Variants in CTNNBL1 observed in about 807,000 individuals in gnomAD.
The protein encoded by CTNNBL1 is beta-catenin-like protein 1.
A neutral mutation model predicts 72.7 loss-of-function variants in CTNNBL1; 31 were observed. That is an observed-to-expected ratio of 0.43 (90% CI 0.32 to 0.58). CTNNBL1 has a LOEUF of 0.58. Ranked by LOEUF, CTNNBL1 falls within the 20% of genes least tolerant of loss-of-function variation. The pLI is 0.08. For missense variants in CTNNBL1, 534 were observed against 725.1 expected, an observed-to-expected ratio of 0.74 and a Z score of 3.03; for synonymous variants, 240 against 267.3, an observed-to-expected ratio of 0.90 and a Z score of 1.00.
chr20:37,703,462 C>T (rs1227584551), intron 1 of CTNNBL1, among the ~76,000 whole-genome samples: 8 of 152,146 alleles, frequency 5.3e-5, no homozygotes, highest in Admixed American at 4.6e-4. Flanking sequence ...TTTCTTGGGC[C>T]TCATTATTCT....
intron 4 of CTNNBL1, among the ~76,000 whole-genome samples, chr20:37,747,130 G>A (rs1480340467): frequency 6.6e-6 from 1 of 152,144 alleles, no homozygotes; most frequent in African/African-American, 2.4e-5. Flanking sequence ...GTAATCCCAA[G>A]ACTTTGGGAG....
intron 4 of CTNNBL1, among the ~76,000 whole-genome samples, chr20:37,752,427 G>T (rs1331325081): frequency 6.6e-6 from 1 of 152,066 alleles, no homozygotes. Flanking sequence ...TTAAAGAAAA[G>T]ATATTTTTTA....
chr20:37,747,934 C>A (rs887797046), intron 4 of CTNNBL1, among the ~76,000 whole-genome samples: 1 of 152,196 alleles, frequency 6.6e-6, no homozygotes, highest in African/African-American at 2.4e-5. Flanking sequence ...TTACTTGTCA[C>A]TGAATCTGAT....
chr20:37,816,281 G>A (rs779161377), intron 11 of CTNNBL1, among the ~76,000 whole-genome samples: 4 of 152,156 alleles, frequency 2.6e-5, no homozygotes, highest in Non-Finnish European at 5.9e-5. Context: ...TCACCACTAC[G>A]GATGGGGCTG....
chr20:37,777,766 T>C, intron 9 of CTNNBL1, 54 bp downstream of exon 9: 2 of 1,554,694 alleles, frequency 1.3e-6, no homozygotes, highest in Non-Finnish European at 1.8e-6. Flanking sequence ...CTGCTTTGAA[T>C]GGGAGGTGGA....
intron 13 of CTNNBL1, among the ~76,000 whole-genome samples, chr20:37,856,781 C>T (rs1355794441): frequency 1.3e-5 from 2 of 152,114 alleles, no homozygotes; most frequent in African/African-American, 2.4e-5. Flanking sequence ...CATGTGGGCA[C>T]ACTATACTTA....
chr20:37,728,733 G>A (rs1207441654), intron 1 of CTNNBL1, among the ~76,000 whole-genome samples: 1 of 152,208 alleles, frequency 6.6e-6, no homozygotes, highest in Non-Finnish European at 1.5e-5. Context: ...CTGTTGGAGA[G>A]GGAGGTGGGA....
chr20:37,806,988 C>G (rs1389753224), intron 11 of CTNNBL1, among the ~76,000 whole-genome samples: 1 of 152,152 alleles, frequency 6.6e-6, no homozygotes, highest in Non-Finnish European at 1.5e-5. Flanking sequence ...AAAGGGGCAT[C>G]TATTTTGGTC....
intron 7 of CTNNBL1, among the ~76,000 whole-genome samples, chr20:37,768,788 C>G (rs1187778615): frequency 1.3e-5 from 2 of 150,688 alleles, no homozygotes; most frequent in Non-Finnish European, 3.0e-5. Flanking sequence ...TTTGTTTTTT[C>G]TTTTGAAACT....
At chr20:37,719,333 G>A (rs780365376) in intron 1 of CTNNBL1, among the ~76,000 whole-genome samples, 14 of 152,226 alleles carry the variant, frequency 9.2e-5, no homozygotes, top group Non-Finnish European at 1.8e-4. Flanking sequence ...CTCTTCCCTT[G>A]AATTATGCCA....
intron 11 of CTNNBL1, among the ~76,000 whole-genome samples, chr20:37,809,664 C>CA (rs753343166): frequency 1.3e-4 from 20 of 152,172 alleles, no homozygotes; most frequent in Non-Finnish European, 2.5e-4. Context: ...TGCTGATAGT[C>CA]AAGAGTTCTT....
intron 7 of CTNNBL1, among the ~76,000 whole-genome samples, chr20:37,772,072 T>C (rs1300417645): frequency 6.6e-6 from 1 of 152,248 alleles, no homozygotes; most frequent in African/African-American, 2.4e-5. Context: ...GAGCATCTTC[T>C]CTCCATCTGT....
intron 15 of CTNNBL1, among the ~76,000 whole-genome samples, chr20:37,862,983 A>G (rs190375991): frequency 2.0e-5 from 3 of 152,232 alleles, no homozygotes; most frequent in Non-Finnish European, 4.4e-5. Flanking sequence ...ACATTAGAAT[A>G]TAAGCTCCAT....
At chr20:37,730,028 C>T (rs925897559) in intron 1 of CTNNBL1, among the ~76,000 whole-genome samples, 3 of 152,076 alleles carry the variant, frequency 2.0e-5, no homozygotes, top group Non-Finnish European at 4.4e-5. Flanking sequence ...ACTAAATTGT[C>T]GAGTGTGAGT....
chr20:37,819,819 C>T (rs1190595333), intron 11 of CTNNBL1, among the ~76,000 whole-genome samples: 1 of 150,054 alleles, frequency 6.7e-6, no homozygotes, highest in Non-Finnish European at 1.5e-5. Flanking sequence ...ATATTATTGT[C>T]TTCCTTGAGT....
chr20:37,777,775 G>C, intron 9 of CTNNBL1, 63 bp downstream of exon 9: 2 of 1,530,476 alleles, frequency 1.3e-6, no homozygotes, highest in Non-Finnish European at 1.8e-6. Context: ...ATGGGAGGTG[G>C]AGCTGGAAAC....
intron 1 of CTNNBL1, among the ~76,000 whole-genome samples, chr20:37,711,524 ATC>A (rs977623875): frequency 1.9e-4 from 29 of 150,284 alleles, no homozygotes; most frequent in African/African-American, 7.1e-4. Context: ...TGGAACTTAC[ATC>A]CAGGGAGGCA....
intron 1 of CTNNBL1, among the ~76,000 whole-genome samples, chr20:37,709,852 G>A (rs144075425): frequency 6.6e-6 from 1 of 152,292 alleles, no homozygotes; most frequent in East Asian, 1.9e-4. Flanking sequence ...TTGTTTCTCT[G>A]GTGTCTTTGG....
chr20:37,862,756 G>A (rs1435349110), intron 15 of CTNNBL1, among the ~76,000 whole-genome samples: 4 of 150,114 alleles, frequency 2.7e-5, no homozygotes, highest in Non-Finnish European at 5.9e-5. Flanking sequence ...ATCCTTCCAG[G>A]CCTGGGCTCA....
Sources: gnomAD v4.1 joint callset for allele counts (sites outside exome capture counted in the v4.1 genomes callset) on GRCh38, gnomAD v4.1.1 for gene constraint, MANE v1.5 for transcripts, NCBI Gene and HGNC (gene_info 2026-07-23, HGNC 2026-07-21) for gene names.